The following GKAP1 variants were observed in gnomAD, a reference collection of about 807,000 sequenced individuals.
GKAP1 encodes the protein G kinase anchoring protein 1.
A neutral mutation model predicts 56.7 loss-of-function variants in GKAP1; 31 were observed. The observed-to-expected ratio is 0.55, with a 90% CI of 0.41 to 0.74. GKAP1 has a LOEUF of 0.74. Among genes scored for constraint, GKAP1 ranks in the 30% least tolerant of loss-of-function variants. GKAP1 has a pLI of 0.00. For missense variants in GKAP1, 364 were observed against 402.3 expected (o/e 0.90, Z 0.82); for synonymous variants, 151 against 138.6 (o/e 1.09, Z -0.63).
At chr9:83,795,259 C>T (rs189181315) in intron 4 of GKAP1, among the ~76,000 whole-genome samples, 23 of 150,708 alleles carry the variant, frequency 1.5e-4, no homozygotes, top group Non-Finnish European at 2.8e-4. Flanking sequence ...ATATAATTTA[C>T]ATATCATTTT....
intron 6 of GKAP1, among the ~76,000 whole-genome samples, 162 bp downstream of exon 6, chr9:83,784,553 C>A (rs1944032122): frequency 6.6e-6 from 1 of 152,162 alleles, no homozygotes; most frequent in Non-Finnish European, 1.5e-5. Context: ...TCTGTTACAG[C>A]AGTACAAAAC....
intron 3 of GKAP1, among the ~76,000 whole-genome samples, chr9:83,803,364 T>C: frequency 6.6e-6 from 1 of 152,078 alleles, no homozygotes; most frequent in Non-Finnish European, 1.5e-5. Context: ...CTGATTCTCC[T>C]GCCTCAGCCT....
chr9:83,804,368 G>C (rs1181089891), intron 3 of GKAP1, among the ~76,000 whole-genome samples: 2 of 59,622 alleles, frequency 3.4e-5, no homozygotes, highest in Non-Finnish European at 3.1e-5. Context: ...CCCCCCGCCC[G>C]GCCAGCCGCC....
At chr9:83,779,969 C>T (rs1182467670) in intron 7 of GKAP1, among the ~76,000 whole-genome samples, 1 of 151,884 alleles carries the variant, frequency 6.6e-6, no homozygotes, top group African/African-American at 2.4e-5. Flanking sequence ...ATGAGTATAT[C>T]TAAAGAATCA....
intron 3 of GKAP1, among the ~76,000 whole-genome samples, chr9:83,800,771 C>A (rs1352507545): frequency 1.3e-5 from 2 of 152,156 alleles, no homozygotes; most frequent in African/African-American, 4.8e-5. Context: ...CACAGGTGGT[C>A]AACTGTCAAA....
At chr9:83,757,678 G>A (rs536249132) in intron 8 of GKAP1, among the ~76,000 whole-genome samples, 16 of 152,174 alleles carry the variant, frequency 1.1e-4, no homozygotes, top group Admixed American at 1.3e-4. Flanking sequence ...CACATTATAT[G>A]GCATTAAAGG....
chr9:83,742,623 A>T, intron 10 of GKAP1, 23 bp from the exon 11 acceptor site: 1 of 1,561,372 alleles, frequency 6.4e-7, no homozygotes, highest in Non-Finnish European at 8.8e-7. Context: ...GAAAAACAGC[A>T]GTATAGATTT....
chr9:83,795,892 G>C (rs1944238581), intron 4 of GKAP1, among the ~76,000 whole-genome samples: 1 of 151,982 alleles, frequency 6.6e-6, no homozygotes, highest in Non-Finnish European at 1.5e-5. Context: ...ATGACTTCTA[G>C]GCTAGATGTG....
At chr9:83,805,702 C>G (rs1431305559) in intron 3 of GKAP1, among the ~76,000 whole-genome samples, 1 of 151,810 alleles carries the variant, frequency 6.6e-6, no homozygotes, top group Non-Finnish European at 1.5e-5. Context: ...AAACACATAC[C>G]AAAATATTAA....
intron 2 of GKAP1, among the ~76,000 whole-genome samples, chr9:83,807,116 C>T (rs1349571809): frequency 6.6e-6 from 1 of 152,136 alleles, no homozygotes; most frequent in African/African-American, 2.4e-5. Context: ...TTCAAAATGC[C>T]TTCCACATTA....
intron 4 of GKAP1, among the ~76,000 whole-genome samples, chr9:83,790,743 C>T (rs1322851516): frequency 1.3e-5 from 2 of 151,778 alleles, no homozygotes; most frequent in Admixed American, 6.6e-5. Context: ...AACCCAGAGG[C>T]GGAGGTTGCA....
chr9:83,804,297 TG>T (rs1239959605), intron 3 of GKAP1, among the ~76,000 whole-genome samples: 4 of 117,536 alleles, frequency 3.4e-5, no homozygotes, highest in Non-Finnish European at 5.3e-5. Context: ...GGGAGGGAGG[TG>T]GGGGGGTCAG....
intron 7 of GKAP1, among the ~76,000 whole-genome samples, chr9:83,779,440 T>TACACACAC (rs1417549993): frequency 7.0e-5 from 5 of 71,206 alleles, no homozygotes; most frequent in South Asian, 4.4e-4. Context: ...TATATATATA[T>TACACACAC]ATATATATAC....
At chr9:83,795,073 T>C (rs761413754) in intron 4 of GKAP1, among the ~76,000 whole-genome samples, 1 of 150,484 alleles carries the variant, frequency 6.6e-6, no homozygotes, top group Non-Finnish European at 1.5e-5. Flanking sequence ...GGAGAATCGC[T>C]TGAATCCGGG....
At chr9:83,799,790 C>CA (rs1264351628) in intron 3 of GKAP1, among the ~76,000 whole-genome samples, 2 of 151,952 alleles carry the variant, frequency 1.3e-5, no homozygotes, top group Non-Finnish European at 2.9e-5. Context: ...CCAGTCTTCA[C>CA]AAAAAATACA....
At chr9:83,800,172 T>G (rs1281871950) in intron 3 of GKAP1, among the ~76,000 whole-genome samples, 20 of 151,874 alleles carry the variant, frequency 1.3e-4, no homozygotes, top group Admixed American at 1.3e-3. Flanking sequence ...TGAGACAAAG[T>G]AGTTGAAACG....
chr9:83,748,894 G>C (rs892338190), intron 9 of GKAP1: 1 of 152,190 alleles, frequency 6.6e-6, no homozygotes, highest in African/African-American at 2.4e-5. Context: ...AAATGTGATA[G>C]ACTTGTAGTG....
At chr9:83,815,436 T>C (rs1282104266) in intron 2 of GKAP1, among the ~76,000 whole-genome samples, 3 of 151,598 alleles carry the variant, frequency 2.0e-5, no homozygotes, top group Non-Finnish European at 4.4e-5. Flanking sequence ...CCTAAGTGGC[T>C]GGTAGTCTTG....
At chr9:83,787,416 T>A (rs7024020) in intron 5 of GKAP1, among the ~76,000 whole-genome samples, 85,259 of 151,452 alleles carry the variant, frequency 0.56, 24,566 homozygotes, top group Admixed American at 0.69. Context: ...AAAAAAAAAT[T>A]TTTAGAGACA....
Sources: allele counts gnomAD v4.1 joint callset (sites outside exome capture counted in the v4.1 genomes callset), GRCh38; gene constraint gnomAD v4.1.1; transcripts MANE v1.5; gene names NCBI Gene and HGNC (gene_info 2026-07-23, HGNC 2026-07-21).